PRKN: variants seen among roughly 807,000 people sequenced by gnomAD.
PRKN encodes the protein E3 ubiquitin-protein ligase parkin.
Under a neutral mutation model 59.5 loss-of-function variants are expected in PRKN, and 56 were observed. That is an observed-to-expected ratio of 0.94 (90% CI 0.76 to 1.18). The LOEUF (loss-of-function observed/expected upper bound fraction) is 1.18, where lower values mean the gene tolerates loss of function less well. Among genes scored for constraint, PRKN ranks in the 50% most tolerant of loss-of-function variants. The probability of loss-of-function intolerance (pLI) is 0.00; values close to 1 mark genes in which losing one functional copy is unlikely to be tolerated. For synonymous variants in PRKN, 250 were observed against 222.1 expected, an observed-to-expected ratio of 1.13 and a Z score of -1.12; for missense variants, 657 against 596.4, an observed-to-expected ratio of 1.10 and a Z score of -1.06.
intron 1 of PRKN, among the ~76,000 whole-genome samples, chr6:162,670,752 G>A (rs950633953): frequency 6.6e-6 from 1 of 152,150 alleles, no homozygotes; most frequent in Non-Finnish European, 1.5e-5. Context: ...GGGGAAAAAT[G>A]TAAGATTAAA....
rs147509412 is a variant in PRKN at position 162,008,364 on chromosome 6, C to T, written c.619-34947G>A. On this transcript the variant is annotated intron_variant, in intron 5 of 11. Coordinates refer to ENST00000366898, the MANE Select transcript of PRKN (RefSeq NM_004562.3). ...CCAGGACGCTACCCTACATGGGCTA[C>T]ATGAGCTTCTTACTGATTTTGGTCA... 3.9e-5 allele frequency among the ~76,000 whole-genome samples: 6 copies of T among 152,264 alleles called. No individual in the cohort carries two copies. The East Asian group carries it at 1.2e-3, about 29-fold the overall frequency.
intron 9 of PRKN, among the ~76,000 whole-genome samples, chr6:161,515,607 T>C (rs1314511521): frequency 1.3e-5 from 2 of 152,224 alleles, no homozygotes; most frequent in Admixed American, 6.5e-5. Flanking sequence ...GCTACTATGA[T>C]AACTACAGCA....
chr6:161,696,633 G>A (rs1404975606), intron 7 of PRKN, among the ~76,000 whole-genome samples: 1 of 152,182 alleles, frequency 6.6e-6, no homozygotes, highest in Non-Finnish European at 1.5e-5. Context: ...AGGCATACAT[G>A]TGAGTCTAGA....
At chr6:162,631,997 A>G (rs916736811) in intron 1 of PRKN, among the ~76,000 whole-genome samples, 1 of 151,654 alleles carries the variant, frequency 6.6e-6, no homozygotes, top group Admixed American at 6.6e-5. Context: ...AAAAAAAAAA[A>G]AAAAGATGTG....
chr6:161,573,574 G>GTTTTTC (rs1780978066), intron 7 of PRKN, among the ~76,000 whole-genome samples: 1 of 150,218 alleles, frequency 6.7e-6, no homozygotes, highest in Non-Finnish European at 1.5e-5. Flanking sequence ...CAAAAAATTA[G>GTTTTTC]CCTGGCGTGG....
At chr6:162,128,921 T>C (rs952342674) in intron 4 of PRKN, among the ~76,000 whole-genome samples, 13 of 152,228 alleles carry the variant, frequency 8.5e-5, no homozygotes, top group Non-Finnish European at 1.8e-4. Flanking sequence ...TGAGAAAGAA[T>C]TGCTGCTGTT....
rs1316274646 is a variant in PRKN, at chr6:161,502,212, A to G, written c.1083+46642T>C. ...GCACATGCTTATCATTAGTCAATTG[A>G]TTAAGTTTGCACTCTTTGGGAGAGG... On this transcript the variant is annotated intron_variant, in intron 9 of 11. Transcript: ENST00000366898. This position sits in a 1 kb window ranked among gnomAD's most constrained non-coding sequence, Gnocchi z 4.0. 1.3e-5 allele frequency among the ~76,000 whole-genome samples: 2 copies of G among 152,116 alleles called. No individual in the cohort carries two copies. The highest frequency in any genetic ancestry group is 4.8e-5 in the African/African-American group (2 of 41,416).
chr6:162,133,806 T>C (rs1263378569), intron 4 of PRKN, among the ~76,000 whole-genome samples: 1 of 151,972 alleles, frequency 6.6e-6, no homozygotes, highest in Non-Finnish European at 1.5e-5. Context: ...TGAAAGAAAA[T>C]GACCATGTCA....
intron 2 of PRKN, among the ~76,000 whole-genome samples, chr6:162,268,346 T>C (rs1279926336): frequency 6.6e-6 from 1 of 152,202 alleles, no homozygotes; most frequent in Admixed American, 6.5e-5. Flanking sequence ...AGTGACTTTC[T>C]GTCCTTTTTG....
At chr6:161,537,643 G>T (rs1452841520) in intron 9 of PRKN, among the ~76,000 whole-genome samples, 3 of 152,022 alleles carry the variant, frequency 2.0e-5, no homozygotes, top group Admixed American at 1.3e-4. Flanking sequence ...AGTAGAGACG[G>T]GGTTTCACCA....
intron 3 of PRKN, among the ~76,000 whole-genome samples, chr6:162,222,159 G>A (rs1218182521): frequency 6.6e-6 from 1 of 152,068 alleles, no homozygotes; most frequent in Non-Finnish European, 1.5e-5. Context: ...TAATATACAT[G>A]TCCTATGTAA....
chr6:161,741,469 G>A (rs77561195), intron 7 of PRKN, among the ~76,000 whole-genome samples: 3,927 of 152,240 alleles, frequency 0.026, 181 homozygotes, highest in African/African-American at 0.09. Context: ...AAAGTATCTT[G>A]TGGCAAAGTC....
At chr6:162,305,920 A>T (rs1782201626) in intron 2 of PRKN, among the ~76,000 whole-genome samples, 1 of 152,116 alleles carries the variant, frequency 6.6e-6, no homozygotes, top group Non-Finnish European at 1.5e-5. Context: ...TGTCATGTTA[A>T]TGACATGTTG....
At chr6:162,454,363 T>C (rs2128172090) in intron 1 of PRKN, among the ~76,000 whole-genome samples, 1 of 152,344 alleles carries the variant, frequency 6.6e-6, no homozygotes, top group South Asian at 2.1e-4. Flanking sequence ...AGTATACTGA[T>C]AGTGATATCT....
chr6:162,714,022 G>C (rs1406116357), intron 1 of PRKN, among the ~76,000 whole-genome samples: 1 of 152,166 alleles, frequency 6.6e-6, no homozygotes, highest in Non-Finnish European at 1.5e-5. Flanking sequence ...TTTCAGAACA[G>C]CCACCATCAG....
intron 9 of PRKN, among the ~76,000 whole-genome samples, chr6:161,539,787 C>T (rs1184239164): frequency 6.6e-6 from 1 of 152,158 alleles, no homozygotes; most frequent in Non-Finnish European, 1.5e-5. Context: ...TTGATTCTTT[C>T]CAGAAAATAT....
intron 2 of PRKN, among the ~76,000 whole-genome samples, chr6:162,273,982 A>G (rs1289284468): frequency 6.6e-6 from 1 of 152,154 alleles, no homozygotes; most frequent in African/African-American, 2.4e-5. Context: ...ATTTTCCTAT[A>G]AAACCTAACT....
In PRKN at chr6:161,750,579, C is replaced by A. The variant is rs750108314; in HGVS notation, c.871+35193G>T. ...GATCAGGAGGTTGAGACCGGCCTGACCAACATGGTGAAAACCCGTCTCTAC... is the reference window on the plus strand; with the variant it reads ...GATCAGGAGGTTGAGACCGGCCTGAACAACATGGTGAAAACCCGTCTCTAC... On this transcript the variant is annotated intron_variant, in intron 7 of 11. Coordinates refer to ENST00000366898, the MANE Select transcript of PRKN (RefSeq NM_004562.3). 6.3e-4 allele frequency among the ~76,000 whole-genome samples: 95 copies of A among 151,962 alleles called. No individual in the cohort carries two copies. In the Middle Eastern group the frequency reaches 0.01, roughly 16 times the overall value.
intron 4 of PRKN, among the ~76,000 whole-genome samples, chr6:162,145,662 T>C (rs1397002767): frequency 1.3e-5 from 2 of 152,132 alleles, no homozygotes; most frequent in Non-Finnish European, 2.9e-5. Context: ...TAACAGAATC[T>C]TTTTGGGTCC....
Sources: allele counts gnomAD v4.1 joint callset (sites outside exome capture counted in the v4.1 genomes callset), GRCh38; gene constraint gnomAD v4.1.1; non-coding constraint Gnocchi (gnomAD v3.1); transcripts MANE v1.5; gene names NCBI Gene and HGNC (gene_info 2026-07-23, HGNC 2026-07-21).